ADAMTSL1: variants seen among roughly 807,000 people sequenced by gnomAD.
ADAMTSL1 encodes ADAMTS-like protein 1.
In ADAMTSL1, 126 loss-of-function variants were observed where a neutral mutation model predicts 201.8. The observed-to-expected ratio is 0.62, with a 90% CI of 0.54 to 0.72. The LOEUF (loss-of-function observed/expected upper bound fraction) is 0.72. Ranked by LOEUF, ADAMTSL1 falls within the 30% of genes least tolerant of loss-of-function variation. The probability of loss-of-function intolerance (pLI) is 0.00; values close to 1 mark genes in which losing one functional copy is unlikely to be tolerated. For synonymous variants in ADAMTSL1, 1,121 were observed against 903.4 expected (o/e 1.24, Z -4.32); for missense variants, 2,679 against 2,277.8 (o/e 1.18, Z -3.59).
intron 2 of ADAMTSL1, among the ~76,000 whole-genome samples, chr9:18,300,102 C>T (rs561661294): frequency 3.3e-5 from 5 of 152,144 alleles, no homozygotes; most frequent in African/African-American, 9.7e-5. Flanking sequence ...TCAGCAATCC[C>T]GTTACTGGGT....
intron 20 of ADAMTSL1, among the ~76,000 whole-genome samples, chr9:18,807,538 G>A (rs1032336685): frequency 2.6e-5 from 4 of 151,822 alleles, no homozygotes; most frequent in Non-Finnish European, 4.4e-5. Context: ...CCAGCTAGTC[G>A]GGAGCCTGAG....
intron 1 of ADAMTSL1, among the ~76,000 whole-genome samples, chr9:18,494,579 C>G (rs577146905): frequency 6.6e-6 from 1 of 152,158 alleles, no homozygotes; most frequent in South Asian, 2.1e-4. Flanking sequence ...AGAATCATGA[C>G]CAATTACTGA....
chr9:18,550,153 C>T (rs1436878485), intron 3 of ADAMTSL1, among the ~76,000 whole-genome samples: 1 of 152,002 alleles, frequency 6.6e-6, no homozygotes, highest in Non-Finnish European at 1.5e-5. Context: ...CTGACATCTA[C>T]AGTTAATATG....
intron 1 of ADAMTSL1, among the ~76,000 whole-genome samples, chr9:18,072,873 A>G (rs62548505): frequency 0.015 from 2,277 of 152,326 alleles, 25 homozygotes; most frequent in Middle Eastern, 0.051. Flanking sequence ...TCTTTTCCAA[A>G]GATGAGACGA....
At chr9:18,178,826 G>A (rs201184584) in intron 2 of ADAMTSL1, among the ~76,000 whole-genome samples, 33 of 152,184 alleles carry the variant, frequency 2.2e-4, no homozygotes, top group East Asian at 3.9e-4. Context: ...CCTGTCTGTT[G>A]GAAGGAAAAC....
At chr9:17,922,088 T>TC (rs1491117747) in intron 1 of ADAMTSL1, among the ~76,000 whole-genome samples, 1 of 1,066 alleles carries the variant, frequency 9.4e-4, no homozygotes, top group Non-Finnish European at 9.8e-3. Context: ...CAGTTCAGGC[T>TC]TTTTTTTTTT....
intron 5 of ADAMTSL1, among the ~76,000 whole-genome samples, chr9:18,624,889 G>A (rs1347275073): frequency 6.6e-6 from 1 of 152,114 alleles, no homozygotes; most frequent in African/African-American, 2.4e-5. Context: ...CTGACAAAAT[G>A]GAATTGATTC....
intron 2 of ADAMTSL1, among the ~76,000 whole-genome samples, chr9:18,263,886 T>A (rs1832021437): frequency 6.6e-6 from 1 of 152,140 alleles, no homozygotes; most frequent in Non-Finnish European, 1.5e-5. Flanking sequence ...GACTCCTTGA[T>A]CATGGACTTT....
chr9:18,485,714 T>C (rs1163574015), intron 1 of ADAMTSL1, among the ~76,000 whole-genome samples: 1 of 152,098 alleles, frequency 6.6e-6, no homozygotes, highest in East Asian at 1.9e-4. Context: ...AAAGGGAAGG[T>C]AAGTTCAAGG....
chr9:18,326,200 T>C (rs1219471551), intron 2 of ADAMTSL1, among the ~76,000 whole-genome samples: 2 of 152,128 alleles, frequency 1.3e-5, no homozygotes, highest in African/African-American at 4.8e-5. Context: ...ATTCAAACCA[T>C]AGCAGCTGTG....
At chr9:18,648,963 G>T (rs1207587151) in intron 7 of ADAMTSL1, among the ~76,000 whole-genome samples, 4 of 152,138 alleles carry the variant, frequency 2.6e-5, no homozygotes, top group Non-Finnish European at 5.9e-5. Flanking sequence ...AGTTCTCCTG[G>T]ATAATATCCT....
chr9:18,188,506 T>C (rs1003124596), intron 2 of ADAMTSL1, among the ~76,000 whole-genome samples: 2 of 152,128 alleles, frequency 1.3e-5, no homozygotes, highest in African/African-American at 4.8e-5. Context: ...TGAATTTACT[T>C]TTACTAGATG....
chr9:18,390,613 G>C (rs529513240), intron 2 of ADAMTSL1, among the ~76,000 whole-genome samples: 1 of 152,256 alleles, frequency 6.6e-6, no homozygotes, highest in South Asian at 2.1e-4. Flanking sequence ...ATCATCAGCT[G>C]TGCTGGGTCT....
chr9:18,455,897 A>C (rs1235250199), intron 2 of ADAMTSL1, among the ~76,000 whole-genome samples: 2 of 152,168 alleles, frequency 1.3e-5, no homozygotes, highest in African/African-American at 4.8e-5. Context: ...TTAAAGAAAG[A>C]GACCCAAAAT....
intron 2 of ADAMTSL1, among the ~76,000 whole-genome samples, chr9:18,244,405 T>A (rs1335895669): frequency 1.3e-5 from 2 of 152,070 alleles, no homozygotes; most frequent in African/African-American, 4.8e-5. Context: ...ACATCCAACC[T>A]CTGATATGAT....
chr9:18,306,416 T>C (rs544186255), intron 2 of ADAMTSL1, among the ~76,000 whole-genome samples: 1 of 152,156 alleles, frequency 6.6e-6, no homozygotes, highest in Non-Finnish European at 1.5e-5. Context: ...GAGCGTATTC[T>C]AACCCAATGC....
intron 1 of ADAMTSL1, among the ~76,000 whole-genome samples, chr9:18,155,756 C>T (rs1477217090): frequency 2.0e-5 from 3 of 151,912 alleles, no homozygotes; most frequent in Non-Finnish European, 4.4e-5. Flanking sequence ...ATCGTGGAGA[C>T]TGGGTGGCCT....
At chr9:18,407,793 T>C (rs1412695132) in intron 2 of ADAMTSL1, among the ~76,000 whole-genome samples, 1 of 152,106 alleles carries the variant, frequency 6.6e-6, no homozygotes, top group Non-Finnish European at 1.5e-5. Context: ...TGGCTGAATA[T>C]GGAAAGAGAA....
intron 11 of ADAMTSL1, 102 bp from the exon 12 acceptor site, chr9:18,681,708 GGC>G: frequency 4.0e-6 from 3 of 745,506 alleles, no homozygotes; most frequent in Non-Finnish European, 3.7e-6. Context: ...GGGGGGGGGG[GGC>G]GGGGAAAAAG....
Sources: gnomAD v4.1 joint callset for allele counts (sites outside exome capture counted in the v4.1 genomes callset) on GRCh38, gnomAD v4.1.1 for gene constraint, MANE v1.5 for transcripts, NCBI Gene and HGNC (gene_info 2026-07-23, HGNC 2026-07-21) for gene names.